Variants in NVL observed in about 807,000 individuals in gnomAD.
NVL encodes the protein nuclear valosin-containing protein-like.
In NVL, 84 loss-of-function variants were observed where a neutral mutation model predicts 110.2. That is an observed-to-expected ratio of 0.76 (90% CI 0.64 to 0.91). The LOEUF is 0.91. Ranked by LOEUF, NVL falls within the 40% of genes least tolerant of loss-of-function variation. NVL has a pLI of 0.00. For synonymous variants in NVL, 354 were observed against 361.1 expected (o/e 0.98, Z 0.22); for missense variants, 882 against 1,035.9 (o/e 0.85, Z 2.04).
At position 224,274,183 on chromosome 1, in the gene NVL, C is replaced by T. The variant is rs947381611; in HGVS notation, c.2082+1156G>A. 4.0e-5 allele frequency among the ~76,000 whole-genome samples: 6 copies of T among 151,696 alleles called. No homozygotes were observed. The East Asian group carries it at 1.2e-3, about 29-fold the overall frequency. ...GCGGGCGCCTGTAATCCCAGCTGCT[C>T]GGGAGGCTGAGGCAGGAGAATCGCT... On this transcript the variant is annotated intron_variant, in intron 17 of 22. Transcript: ENST00000281701.
chr1:224,248,041 C>A (rs1020584068), intron 19 of NVL, among the ~76,000 whole-genome samples: 3 of 152,108 alleles, frequency 2.0e-5, no homozygotes, highest in Admixed American at 6.6e-5. Context: ...TATAGCCCAG[C>A]CAGAGGACTC....
chr1:224,240,045 G>GC (rs1660995322), intron 19 of NVL, among the ~76,000 whole-genome samples: 1 of 145,696 alleles, frequency 6.9e-6, no homozygotes, highest in African/African-American at 2.6e-5. Context: ...ACAGGCATGC[G>GC]CTACCACGCT....
At chr1:224,317,847 T>A (rs1172677748) in intron 3 of NVL, 31 bp downstream of exon 3, 5 of 1,512,434 alleles carry the variant, frequency 3.3e-6, no homozygotes, top group Non-Finnish European at 4.5e-6. Context: ...TATAACTTTA[T>A]TGATAATTTA....
chr1:224,262,488 A>G (rs1488164879), intron 18 of NVL, among the ~76,000 whole-genome samples: 1 of 152,154 alleles, frequency 6.6e-6, no homozygotes, highest in Admixed American at 6.5e-5. Flanking sequence ...ATGAGGGTGT[A>G]AGCAAGATAA....
intron 18 of NVL, among the ~76,000 whole-genome samples, chr1:224,260,521 G>C (rs920822234): frequency 1.3e-5 from 2 of 152,096 alleles, no homozygotes; most frequent in Non-Finnish European, 2.9e-5. Flanking sequence ...CTTCCAAAGT[G>C]CTGGGATTAC....
chr1:224,302,968 G>A (rs746329666), intron 9 of NVL: 88 of 291,630 alleles, frequency 3.0e-4, no homozygotes, highest in Non-Finnish European at 5.6e-4. Flanking sequence ...AGGACCACTT[G>A]AGCCTGGGAA....
At chr1:224,319,545 C>T (rs1572064333) in intron 2 of NVL, among the ~76,000 whole-genome samples, 1 of 152,072 alleles carries the variant, frequency 6.6e-6, no homozygotes, top group African/African-American at 2.4e-5. Context: ...AAGGTTCATG[C>T]ATTTACTTGG....
rs4654018 is a variant in NVL, at chr1:224,303,562, T to A, written c.960+161A>T. On this transcript the variant is annotated intron_variant, in intron 9 of 22. Coordinates refer to ENST00000281701, the MANE Select transcript of NVL (RefSeq NM_002533.4). ...CAATAAATAAACTAAATGAATAAAT[T>A]CCACAAATAATACCAGCATGATAAC... is the stretch of plus-strand genomic sequence containing the variant. 0.99 allele frequency among the ~76,000 whole-genome samples: 150,881 copies of A among 152,308 alleles called. 74,755 individuals are homozygous for A. The highest frequency in any genetic ancestry group is 1 in the South Asian group (4,830 of 4,830).
At chr1:224,258,783 T>G (rs1298650957) in intron 18 of NVL, among the ~76,000 whole-genome samples, 1 of 151,970 alleles carries the variant, frequency 6.6e-6, no homozygotes, top group East Asian at 1.9e-4. Context: ...GAAGCCAGAT[T>G]TAAGAGCCCT....
chr1:224,317,841 A>G lies in NVL; in HGVS notation c.184+37T>C, dbSNP rs763904719. The G allele has an allele frequency of 3.2e-5, 49 of 1,536,990 alleles. No homozygotes were observed. In the South Asian group the frequency reaches 5.3e-4, roughly 17 times the overall value. ...ATGAGCTAAAACAATCGTTTGTATAACTTTATTGATAATTTAGCTCTAACA... is the reference window on the plus strand; with the variant it reads ...ATGAGCTAAAACAATCGTTTGTATAGCTTTATTGATAATTTAGCTCTAACA... On this transcript the variant is annotated intron_variant, in intron 3 of 22. Transcript: ENST00000281701.
chr1:224,264,166 G>A (rs968811316), intron 18 of NVL, among the ~76,000 whole-genome samples: 2 of 152,056 alleles, frequency 1.3e-5, no homozygotes, highest in African/African-American at 4.8e-5. Flanking sequence ...CTGATAGTAC[G>A]TGGATCCAAG....
chr1:224,246,876 A>G lies in NVL; in HGVS notation c.2289+3336T>C, dbSNP rs143221062. Among the ~76,000 whole-genome samples the G allele has an allele frequency of 8.7e-3, 1,318 of 152,036 alleles. 14 individuals carry two copies. Among genetic ancestry groups the G allele is most frequent in the African/African-American group, 0.029 (1,208 of 41,472 alleles). ...CATGGTAAAACCCCGTCTCTACTAAAAATACAAAAAAAAAATTAGCAGAGT... is the reference window on the plus strand; with the variant it reads ...CATGGTAAAACCCCGTCTCTACTAAGAATACAAAAAAAAAATTAGCAGAGT... On this transcript the variant is annotated intron_variant, in intron 19 of 22. Transcript: ENST00000281701.
Position 224,273,055 on chromosome 1 carries a change from A to AC in NVL, c.2082+2283dup, listed in dbSNP as rs1491534553. Reference sequence around the variant, plus strand: ...TCTCAAAAAAAAACAAAAAAAACAAACAAACAAAAAAAAACACAACAAAAA... The same window carrying AC: ...TCTCAAAAAAAAACAAAAAAAACAAACCAAACAAAAAAAAACACAACAAAAA... On this transcript the variant is annotated intron_variant, in intron 17 of 22. Transcript: ENST00000281701. Among the ~76,000 whole-genome samples the AC allele has an allele frequency of 7.9e-5, 11 of 139,676 alleles. 2 individuals carry two copies. The highest frequency in any genetic ancestry group is 2.6e-4 in the African/African-American group (9 of 35,066). 91.6% of individuals were successfully genotyped at this position (139,676 alleles called of 152,430 possible). A position where few individuals can be genotyped will look rare whatever the true frequency, so the allele number is the denominator to read the frequency against.
chr1:224,302,015 T>C (rs978407856), intron 9 of NVL, among the ~76,000 whole-genome samples: 1 of 152,170 alleles, frequency 6.6e-6, no homozygotes, highest in Non-Finnish European at 1.5e-5. Context: ...GACTGTTTAA[T>C]GTCTCTCTCA....
intron 16 of NVL, among the ~76,000 whole-genome samples, chr1:224,279,291 G>T (rs1286617184): frequency 6.6e-6 from 1 of 152,046 alleles, no homozygotes; most frequent in East Asian, 1.9e-4. Flanking sequence ...TAACAACCAA[G>T]AATAGGTGTA....
chr1:224,233,698 G>A (rs1167209443), intron 20 of NVL, among the ~76,000 whole-genome samples: 1 of 152,098 alleles, frequency 6.6e-6, no homozygotes, highest in Non-Finnish European at 1.5e-5. Context: ...GGTGGCGGTT[G>A]CAATGAGCCA....
intron 9 of NVL, among the ~76,000 whole-genome samples, chr1:224,301,321 T>C (rs1384241397): frequency 6.6e-6 from 1 of 151,956 alleles, no homozygotes; most frequent in Non-Finnish European, 1.5e-5. Flanking sequence ...CCCAGGCTGG[T>C]CCCAAACTCC....
chr1:224,324,460 T>C (rs1670944528), intron 2 of NVL, among the ~76,000 whole-genome samples: 1 of 152,214 alleles, frequency 6.6e-6, no homozygotes, highest in Admixed American at 6.5e-5. Context: ...GACAGGGTCT[T>C]GCTCTGTTAC....
chr1:224,272,786 G>C (rs927365892), intron 17 of NVL, among the ~76,000 whole-genome samples: 4 of 151,842 alleles, frequency 2.6e-5, no homozygotes, highest in African/African-American at 9.7e-5. Flanking sequence ...TGTAATCCCA[G>C]CACTTTGGGA....
Sources: allele counts gnomAD v4.1 joint callset (sites outside exome capture counted in the v4.1 genomes callset), GRCh38; gene constraint gnomAD v4.1.1; transcripts MANE v1.5; gene names NCBI Gene and HGNC (gene_info 2026-07-23, HGNC 2026-07-21).